Variants in VSNL1 observed in about 807,000 individuals in gnomAD.
The protein encoded by VSNL1 is visinin-like protein 1.
A neutral mutation model predicts 20.4 loss-of-function variants in VSNL1; 6 were observed. That is an observed-to-expected ratio of 0.29 (90% confidence interval 0.16 to 0.58). The LOEUF is 0.58. VSNL1 is among the 20% of genes least tolerant of loss of function. The pLI, the probability that VSNL1 is intolerant of heterozygous loss-of-function variation, is 0.90. For missense variants in VSNL1, 100 were observed against 234.5 expected (o/e 0.43, Z 3.75); for synonymous variants, 93 against 86.4 (o/e 1.08, Z -0.42).
chr2:17,627,233 AG>A (rs1280059440), intron 2 of VSNL1, among the ~76,000 whole-genome samples: 1 of 152,224 alleles, frequency 6.6e-6, no homozygotes, highest in African/African-American at 2.4e-5. Context: ...CATTGCTTCT[AG>A]GGCTTACTCA....
chr2:17,591,602 G>A (rs1420747403), intron 1 of VSNL1, among the ~76,000 whole-genome samples: 1 of 152,074 alleles, frequency 6.6e-6, no homozygotes, highest in Non-Finnish European at 1.5e-5. Context: ...ATTGCTGATT[G>A]GATATTCCAA....
chr2:17,610,270 G>A (rs933803347), intron 2 of VSNL1, among the ~76,000 whole-genome samples: 2 of 152,138 alleles, frequency 1.3e-5, no homozygotes, highest in African/African-American at 4.8e-5. Flanking sequence ...TTAGGATTCT[G>A]GAATGAACCA....
intron 2 of VSNL1, among the ~76,000 whole-genome samples, chr2:17,621,654 A>T (rs1032385859): frequency 6.6e-6 from 1 of 151,828 alleles, no homozygotes; most frequent in Non-Finnish European, 1.5e-5. Flanking sequence ...TAGAGAGGAG[A>T]TGTCATTTTG....
intron 2 of VSNL1, among the ~76,000 whole-genome samples, chr2:17,608,783 C>G (rs1665012710): frequency 6.6e-6 from 1 of 152,074 alleles, no homozygotes; most frequent in South Asian, 2.1e-4. Flanking sequence ...ATCAATCTCA[C>G]CATTTAGTTT....
chr2:17,646,805 G>A (rs1336822281), intron 2 of VSNL1, among the ~76,000 whole-genome samples: 1 of 152,190 alleles, frequency 6.6e-6, no homozygotes, highest in Non-Finnish European at 1.5e-5. Context: ...AGGCCCTGTT[G>A]TCCTCCAGGA....
Position 17,649,727 on chromosome 2 carries a change from C to A in VSNL1, c.378+102C>A. ...GTGGCTTCTTCTCTCTCTGCTCGAG[C>A]CCTGCCAGCTGCACACCACGCCTGG... is the stretch of plus-strand genomic sequence containing the variant. On this transcript the variant is annotated intron_variant, in intron 3 of 3. Transcript: ENST00000295156. The surrounding 1 kb of genome is among the most constrained non-coding windows in gnomAD (Gnocchi z 6.4). 1 of 1,102,380 alleles carries A rather than the reference C, an allele frequency of 9.1e-7. No individual in the cohort carries two copies. The highest frequency in any genetic ancestry group is 1.3e-6 in the Non-Finnish European group (1 of 753,330). 68.3% of individuals were successfully genotyped at this position (1,102,380 alleles called of 1,614,324 possible).
intron 2 of VSNL1, among the ~76,000 whole-genome samples, chr2:17,618,705 CAT>C (rs1002000760): frequency 1.5e-4 from 23 of 152,282 alleles, no homozygotes; most frequent in Admixed American, 4.6e-4. Context: ...GAGCACCTAA[CAT>C]GTGATAAGCA....
At chr2:17,608,865 T>C (rs183499741) in intron 2 of VSNL1, among the ~76,000 whole-genome samples, 1 of 152,318 alleles carries the variant, frequency 6.6e-6, no homozygotes, top group East Asian at 1.9e-4. Context: ...TGTTTATCAT[T>C]TGAAGGGATG....
At chr2:17,584,050 A>G (rs1279810852) in intron 1 of VSNL1, among the ~76,000 whole-genome samples, 5 of 152,168 alleles carry the variant, frequency 3.3e-5, no homozygotes, top group Non-Finnish European at 7.4e-5. Flanking sequence ...AGCAAATAAC[A>G]TTATTTTATT....
chr2:17,576,902 G>T (rs1664227828), intron 1 of VSNL1, among the ~76,000 whole-genome samples: 1 of 151,994 alleles, frequency 6.6e-6, no homozygotes, highest in Non-Finnish European at 1.5e-5. Flanking sequence ...CTTAATAACT[G>T]GTATTTGCTT....
intron 1 of VSNL1, among the ~76,000 whole-genome samples, chr2:17,571,254 T>G (rs188481922): frequency 5.8e-4 from 88 of 152,312 alleles, no homozygotes; most frequent in African/African-American, 2.1e-3. Context: ...CTTTAGGTAC[T>G]AGGATGCTAT....
At chr2:17,552,644 T>G (rs1440571459) in intron 1 of VSNL1, among the ~76,000 whole-genome samples, 1 of 152,184 alleles carries the variant, frequency 6.6e-6, no homozygotes, top group Non-Finnish European at 1.5e-5. Context: ...ATAGTTTACA[T>G]ATATCCACAA....
intron 1 of VSNL1, among the ~76,000 whole-genome samples, chr2:17,585,110 C>T (rs1423981979): frequency 6.6e-6 from 1 of 152,160 alleles, no homozygotes; most frequent in East Asian, 1.9e-4. Context: ...TCTGTGCCCC[C>T]TCCTGTTTCA....
intron 1 of VSNL1, among the ~76,000 whole-genome samples, chr2:17,551,211 C>T (rs1438938924): frequency 2.6e-5 from 4 of 152,158 alleles, no homozygotes; most frequent in Non-Finnish European, 5.9e-5. Flanking sequence ...CCTATATAGT[C>T]CCCTTCTCTG....
At chr2:17,567,650 A>G (rs1025600864) in intron 1 of VSNL1, 55 of 152,298 alleles carry the variant, frequency 3.6e-4, no homozygotes, top group African/African-American at 1.2e-3. Context: ...GTGAGCCACC[A>G]TGACCGGCCC....
At chr2:17,587,358 C>T (rs1170413155) in intron 1 of VSNL1, among the ~76,000 whole-genome samples, 1 of 147,958 alleles carries the variant, frequency 6.8e-6, no homozygotes, top group Non-Finnish European at 1.5e-5. Flanking sequence ...AACACACACA[C>T]ACACACACAC....
rs149824124 is a variant in VSNL1, at chr2:17,649,995, C to T, written c.378+370C>T. 2.1e-3 allele frequency among the ~76,000 whole-genome samples: 313 copies of T among 152,300 alleles called. No individual in the cohort carries two copies. Among genetic ancestry groups the T allele is most frequent in the Non-Finnish European group, 2.9e-3 (198 of 68,016 alleles). On this transcript the variant is annotated intron_variant, in intron 3 of 3. Transcript: ENST00000295156. This position sits in a 1 kb window ranked among gnomAD's most constrained non-coding sequence, Gnocchi z 6.4. ...GGGACCCGAGGCTGTCAGGGGCTCC[C>T]GGGACATCCTTCCAGGTTCTGGTCA...
intron 1 of VSNL1, among the ~76,000 whole-genome samples, chr2:17,543,986 A>G (rs1444426503): frequency 1.3e-5 from 2 of 152,140 alleles, no homozygotes; most frequent in Non-Finnish European, 2.9e-5. Context: ...GTAATCTCCC[A>G]GGCACTCAGA....
chr2:17,633,751 G>C (rs777947085), intron 2 of VSNL1, among the ~76,000 whole-genome samples: 1 of 152,084 alleles, frequency 6.6e-6, no homozygotes, highest in African/African-American at 2.4e-5. Context: ...CCTGTGCATC[G>C]ATACAGGGTA....
Sources: gnomAD v4.1 joint callset for allele counts (sites outside exome capture counted in the v4.1 genomes callset) on GRCh38, gnomAD v4.1.1 for gene constraint, Gnocchi (gnomAD v3.1) non-coding constraint, MANE v1.5 for transcripts, NCBI Gene and HGNC (gene_info 2026-07-23, HGNC 2026-07-21) for gene names.